WWOX: variants seen among roughly 807,000 people sequenced by gnomAD.
WWOX encodes WW domain-containing oxidoreductase.
A neutral mutation model predicts 46.2 loss-of-function variants in WWOX; 69 were observed. That is an observed-to-expected ratio of 1.49 (90% CI 1.23 to 1.82). The LOEUF (loss-of-function observed/expected upper bound fraction) is 1.82. Ranked by LOEUF, WWOX falls within the 40% of genes most tolerant of loss-of-function variation. WWOX has a pLI of 0.00. For missense variants in WWOX, 919 were observed against 542.6 expected, an observed-to-expected ratio of 1.69 and a Z score of -6.89; for synonymous variants, 359 against 202.6, an observed-to-expected ratio of 1.77 and a Z score of -6.56.
At chr16:78,287,148 T>C (rs2079781886) in intron 5 of WWOX, among the ~76,000 whole-genome samples, 1 of 152,248 alleles carries the variant, frequency 6.6e-6, no homozygotes, top group Admixed American at 6.5e-5. Context: ...GAACTGGCAA[T>C]CAACGCCATA....
At chr16:78,785,070 C>CTTT (rs1220893178) in intron 8 of WWOX, among the ~76,000 whole-genome samples, 1 of 152,174 alleles carries the variant, frequency 6.6e-6, no homozygotes, top group African/African-American at 2.4e-5. Flanking sequence ...AAGACTTGGG[C>CTTT]AGTCTCCAGG....
intron 8 of WWOX, among the ~76,000 whole-genome samples, chr16:78,484,326 T>A (rs374968025): frequency 1.3e-5 from 2 of 152,328 alleles, no homozygotes; most frequent in South Asian, 2.1e-4. Context: ...ACCCTTTTGT[T>A]CACAGATTTT....
intron 8 of WWOX, among the ~76,000 whole-genome samples, chr16:78,851,651 A>G (rs952932200): frequency 2.6e-5 from 4 of 152,216 alleles, no homozygotes; most frequent in African/African-American, 9.6e-5. Flanking sequence ...GAGATGCTCA[A>G]TAAATCTTGG....
chr16:78,308,789 T>C (rs960825328), intron 5 of WWOX, among the ~76,000 whole-genome samples: 4 of 152,174 alleles, frequency 2.6e-5, no homozygotes, highest in African/African-American at 9.7e-5. Context: ...TGTGGACTTA[T>C]CTTAACCCAG....
At chr16:78,973,375 C>T (rs374595448) in intron 8 of WWOX, among the ~76,000 whole-genome samples, 1 of 152,092 alleles carries the variant, frequency 6.6e-6, no homozygotes, top group Non-Finnish European at 1.5e-5. Flanking sequence ...TAGAACTGTT[C>T]TAGAACGATC....
intron 8 of WWOX, among the ~76,000 whole-genome samples, chr16:78,565,213 G>A (rs1446995821): frequency 6.6e-6 from 1 of 152,172 alleles, no homozygotes; most frequent in Non-Finnish European, 1.5e-5. Flanking sequence ...GCTGATAGCT[G>A]ATTTGTTATA....
intron 5 of WWOX, among the ~76,000 whole-genome samples, chr16:78,369,921 C>G (rs544041966): frequency 6.6e-6 from 1 of 151,866 alleles, no homozygotes; most frequent in East Asian, 2.0e-4. Context: ...TCACATAAGG[C>G]CAGGAGTTTG....
At chr16:78,365,814 G>C (rs531108652) in intron 5 of WWOX, among the ~76,000 whole-genome samples, 17 of 152,084 alleles carry the variant, frequency 1.1e-4, no homozygotes, top group Non-Finnish European at 2.5e-4. Flanking sequence ...AAATTTCTGT[G>C]TCTTCATTTG....
chr16:78,661,679 G>T (rs866575497), intron 8 of WWOX, among the ~76,000 whole-genome samples: 17 of 152,224 alleles, frequency 1.1e-4, no homozygotes, highest in African/African-American at 4.1e-4. Context: ...TGCATGGAAT[G>T]GGGGGAAAAG....
intron 8 of WWOX, among the ~76,000 whole-genome samples, chr16:78,794,678 C>G (rs1163704406): frequency 6.6e-6 from 1 of 152,210 alleles, no homozygotes; most frequent in Non-Finnish European, 1.5e-5. Flanking sequence ...TGCTGTCATT[C>G]CTGCAGCTGT....
chr16:78,344,754 A>G (rs1422494340), intron 5 of WWOX, among the ~76,000 whole-genome samples: 2 of 121,930 alleles, frequency 1.6e-5, no homozygotes, highest in African/African-American at 5.6e-5. Context: ...GTCAGTTGCC[A>G]TTTGGCCCTG....
intron 5 of WWOX, among the ~76,000 whole-genome samples, chr16:78,345,816 T>G (rs1191181538): frequency 8.4e-6 from 1 of 119,014 alleles, no homozygotes; most frequent in African/African-American, 2.9e-5. Flanking sequence ...ATTTGAGGCA[T>G]TGACACATGC....
chr16:78,167,837 A>G (rs1311103211), intron 5 of WWOX: 1 of 152,080 alleles, frequency 6.6e-6, no homozygotes, highest in Non-Finnish European at 1.5e-5. Context: ...TTGACCCTTG[A>G]TATTTGCTGG....
chr16:78,632,909 A>G (rs1189312799), intron 8 of WWOX, among the ~76,000 whole-genome samples: 1 of 151,944 alleles, frequency 6.6e-6, no homozygotes, highest in Non-Finnish European at 1.5e-5. Flanking sequence ...TACGTGTAAT[A>G]GAAAGGTAGG....
chr16:78,903,957 A>G (rs554737823), intron 8 of WWOX, among the ~76,000 whole-genome samples: 4 of 152,292 alleles, frequency 2.6e-5, no homozygotes, highest in African/African-American at 9.6e-5. Flanking sequence ...CACACAGCGA[A>G]TGAATGGAGA....
chr16:78,265,707 G>T (rs930153896), intron 5 of WWOX, among the ~76,000 whole-genome samples: 138 of 148,792 alleles, frequency 9.3e-4, no homozygotes, highest in African/African-American at 3.3e-3. Flanking sequence ...CAAAAAACAC[G>T]AATATCTTTT....
chr16:78,375,573 GT>G (rs1302344997), intron 5 of WWOX, among the ~76,000 whole-genome samples: 1 of 152,188 alleles, frequency 6.6e-6, no homozygotes, highest in African/African-American at 2.4e-5. Flanking sequence ...ATTATTGGTT[GT>G]TTTGCTTTTC....
intron 8 of WWOX, among the ~76,000 whole-genome samples, chr16:79,018,294 T>G (rs1438811882): frequency 6.6e-6 from 1 of 152,216 alleles, no homozygotes; most frequent in Non-Finnish European, 1.5e-5. Context: ...ATGGTGTAAA[T>G]TATATCTGAC....
At chr16:79,140,835 C>G (rs1191531597) in intron 8 of WWOX, among the ~76,000 whole-genome samples, 1 of 152,174 alleles carries the variant, frequency 6.6e-6, no homozygotes, top group African/African-American at 2.4e-5. Context: ...TCCGGAGAGT[C>G]TTCTTGTCAC....
Sources: gnomAD v4.1 joint callset for allele counts (sites outside exome capture counted in the v4.1 genomes callset) on GRCh38, gnomAD v4.1.1 for gene constraint, MANE v1.5 for transcripts, NCBI Gene and HGNC (gene_info 2026-07-23, HGNC 2026-07-21) for gene names.